ADAMTS9: variants seen among roughly 807,000 people sequenced by gnomAD.
ADAMTS9 encodes the protein ADAM metallopeptidase with thrombospondin type 1 motif 9, also known as A disintegrin and metalloproteinase with thrombospondin motifs 9.
Under a neutral mutation model 257.1 loss-of-function variants are expected in ADAMTS9, and 107 were observed. That is an observed-to-expected ratio of 0.42 (90% confidence interval 0.36 to 0.49). The LOEUF is 0.49. Ranked by LOEUF, ADAMTS9 falls within the 20% of genes least tolerant of loss-of-function variation. ADAMTS9 has a pLI of 0.03. For synonymous variants in ADAMTS9, 982 were observed against 880.9 expected (o/e 1.11, Z -2.03); for missense variants, 2,353 against 2,469.1 (o/e 0.95, Z 1.00).
At position 64,607,057 on chromosome 3, in the gene ADAMTS9, C is replaced by A; in HGVS notation, c.3377G>T (p.Gly1126Val). 6.2e-7 allele frequency: 1 copy of A among 1,613,804 alleles called. No homozygotes were observed. Among genetic ancestry groups the A allele is most frequent in the Non-Finnish European group, 8.5e-7 (1 of 1,179,780 alleles). ...GCATTTCACTGCTCTTAGCTGGTAT[C>A]CCTGTCCACAAGTGACACTGCACTG... ...WGQCSVTCGQ[G>V]YQLRAVKCII... The change falls in exon 23 of 40, where the codon GGA becomes GTA. Residue 1126 changes from glycine (G) to valine (V), a missense_variant. Gly to Val is a moderately radical substitution (Grantham distance 109, BLOSUM62 -3). Around this residue, in one of 3 missense-constraint regions of ADAMTS9, gnomAD observed 1,402 missense variants for 1,441.4 expected, o/e 0.97. Transcript: ENST00000498707.
chr3:64,590,431 T>C (rs1374397527), intron 28 of ADAMTS9, among the ~76,000 whole-genome samples: 2 of 152,176 alleles, frequency 1.3e-5, no homozygotes, highest in Non-Finnish European at 1.5e-5. Context: ...TTTTTAAACA[T>C]TGTATATAAA....
intron 36 of ADAMTS9, among the ~76,000 whole-genome samples, chr3:64,540,363 T>C (rs72885541): frequency 0.014 from 2,120 of 152,324 alleles, 44 homozygotes; most frequent in African/African-American, 0.049. Flanking sequence ...CAAGGGAACA[T>C]GTTGAGGTAT....
chr3:64,604,281 C>G lies in ADAMTS9; in HGVS notation c.3525G>C (p.Arg1175Ser), dbSNP rs371429186. The G allele has an allele frequency of 6.4e-5, 103 of 1,613,342 alleles. No individual in the cohort carries two copies. Among genetic ancestry groups the G allele is most frequent in the Non-Finnish European group, 8.3e-5 (98 of 1,179,730 alleles). The change falls in exon 24 of 40, where the codon AGG (arginine) becomes AGC (serine). Residue 1175 changes from arginine to serine, a missense_variant. Transcript: ENST00000498707. ...CHPPPAAPET[R>S]RSTYSAPRTQ... The stretch of plus-strand genomic sequence containing the variant: ...TTCTTGGTGCACTGTATGTGCTTCT[C>G]CTCGTTTCCGGGGCAGCTGGGGGAG...
At chr3:64,570,335 A>G (rs1400921442) in intron 28 of ADAMTS9, among the ~76,000 whole-genome samples, 1 of 152,202 alleles carries the variant, frequency 6.6e-6, no homozygotes, top group Non-Finnish European at 1.5e-5. Context: ...ACTAGGAAAC[A>G]AACAGGCTGG....
chr3:64,584,423 T>C (rs1325746143), intron 28 of ADAMTS9, among the ~76,000 whole-genome samples: 6 of 151,888 alleles, frequency 4.0e-5, no homozygotes, highest in African/African-American at 1.5e-4. Flanking sequence ...AAAAGGCCAA[T>C]AAAAAAGTAG....
chr3:64,551,092 AACCGT>A (rs1408360113), intron 30 of ADAMTS9, 30 bp from the exon 31 acceptor site: 6 of 1,609,810 alleles, frequency 3.7e-6, no homozygotes, highest in Non-Finnish European at 3.4e-6. Flanking sequence ...GAGAAGAATA[AACCGT>A]AGTTCCTTAT....
intron 37 of ADAMTS9, among the ~76,000 whole-genome samples, chr3:64,538,016 C>T (rs994526497): frequency 1.3e-5 from 2 of 152,190 alleles, no homozygotes; most frequent in Non-Finnish European, 2.9e-5. Flanking sequence ...TGAGTGGCTC[C>T]GCTGAAAAGC....
At chr3:64,619,227 C>G (rs187390972) in intron 19 of ADAMTS9, among the ~76,000 whole-genome samples, 25 of 152,176 alleles carry the variant, frequency 1.6e-4, no homozygotes, top group East Asian at 1.5e-3. Flanking sequence ...AGAGACTCAA[C>G]CAGTCTCGTT....
At chr3:64,621,654 C>T (rs538907439) in intron 18 of ADAMTS9, among the ~76,000 whole-genome samples, 6 of 151,806 alleles carry the variant, frequency 4.0e-5, no homozygotes, top group African/African-American at 1.5e-4. Context: ...CCCAGCTACT[C>T]GGGAGACTGA....
At chr3:64,563,826 T>C (rs1016409365) in intron 29 of ADAMTS9, among the ~76,000 whole-genome samples, 1 of 152,226 alleles carries the variant, frequency 6.6e-6, no homozygotes, top group Non-Finnish European at 1.5e-5. Context: ...TTCTGAATAA[T>C]GCATTCACAG....
chr3:64,649,914 C>T (rs1037140205), intron 9 of ADAMTS9, 136 bp from the exon 10 acceptor site: 1 of 1,105,360 alleles, frequency 9.0e-7, no homozygotes, highest in South Asian at 1.9e-5. Context: ...TTATTCTTTA[C>T]ATCCAAGATT....
chr3:64,642,037 A>G, intron 11 of ADAMTS9, 44 bp from the exon 12 acceptor site: 2 of 1,608,726 alleles, frequency 1.2e-6, no homozygotes, highest in Non-Finnish European at 1.7e-6. Flanking sequence ...TGGCGCTGTG[A>G]GTTGTTACAG....
intron 30 of ADAMTS9, among the ~76,000 whole-genome samples, chr3:64,553,557 T>C (rs2083295614): frequency 6.6e-6 from 1 of 152,172 alleles, no homozygotes; most frequent in Admixed American, 6.5e-5. Flanking sequence ...TGGGTATATA[T>C]ACCTGGGAGT....
intron 30 of ADAMTS9, 118 bp from the exon 31 acceptor site, chr3:64,551,180 T>A (rs2083266849): frequency 1.7e-6 from 2 of 1,193,928 alleles, no homozygotes; most frequent in Non-Finnish European, 2.3e-6. Context: ...AGGGCAGGGA[T>A]TGCCAGAGAA....
intron 37 of ADAMTS9, among the ~76,000 whole-genome samples, 187 bp downstream of exon 37, chr3:64,539,016 C>T (rs892152381): frequency 4.6e-5 from 7 of 152,276 alleles, no homozygotes; most frequent in Middle Eastern, 6.8e-3. Flanking sequence ...TTCCTTAGGA[C>T]CCACTTTCAG....
intron 3 of ADAMTS9, among the ~76,000 whole-genome samples, chr3:64,665,891 G>A (rs1391359396): frequency 6.6e-6 from 1 of 152,028 alleles, no homozygotes; most frequent in East Asian, 1.9e-4. Context: ...GCTATTTTGA[G>A]AATTAAATAA....
Position 64,658,427 on chromosome 3 carries a change from AG to A in ADAMTS9, c.969+74del, listed in dbSNP as rs991468548. ...ATGCCAGTTCTGAATGGTCCTCCAA[AG>A]CACTGAGTGGAAACCCATTCCCCAA... On this transcript the variant is annotated intron_variant, in intron 4 of 39. Coordinates refer to ENST00000498707, the MANE Select transcript of ADAMTS9 (RefSeq NM_182920.2). The A allele has an allele frequency of 6.5e-5, 94 of 1,449,880 alleles. 1 individual carries two copies. In the Middle Eastern group the frequency reaches 1.6e-3, roughly 25 times the overall value. The allele number at this position is 1,449,880 out of a possible 1,614,324, so 89.8% of individuals were successfully genotyped here. A position where few individuals can be genotyped will look rare whatever the true frequency, so the allele number is the denominator to read the frequency against.
intron 10 of ADAMTS9, 135 bp downstream of exon 10, chr3:64,649,502 G>A (rs2106942609): frequency 1.0e-6 from 1 of 992,656 alleles, no homozygotes; most frequent in East Asian, 2.7e-5. Context: ...TAATTATTAT[G>A]ATCACTAATA....
intron 19 of ADAMTS9, 137 bp from the exon 20 acceptor site, chr3:64,616,307 C>G (rs1330932607): frequency 1.1e-6 from 1 of 880,004 alleles, no homozygotes; most frequent in African/African-American, 1.7e-5. Flanking sequence ...AAGCCACAGT[C>G]AGTTGCTAAA....
Sources: gnomAD v4.1 joint callset for allele counts (sites outside exome capture counted in the v4.1 genomes callset) on GRCh38, gnomAD v4.1.1 for gene constraint, gnomAD v4.1.1 regional missense constraint, MANE v1.5 for transcripts, NCBI Gene and HGNC (gene_info 2026-07-23, HGNC 2026-07-21) for gene names.